The following TMOD1 variants were observed in gnomAD, a reference collection of about 807,000 sequenced individuals.
The protein encoded by TMOD1 is tropomodulin 1, also known as tropomodulin-1.
Under a neutral mutation model 40.6 loss-of-function variants are expected in TMOD1, and 17 were observed. That is an observed-to-expected ratio of 0.42 (90% CI 0.29 to 0.63). The LOEUF is 0.63. Among genes scored for constraint, TMOD1 ranks in the 20% least tolerant of loss-of-function variants. TMOD1 has a pLI of 0.22. For missense variants in TMOD1, 391 were observed against 447.6 expected (o/e 0.87, Z 1.14); for synonymous variants, 181 against 175.0 (o/e 1.03, Z -0.27).
In TMOD1 at chr9:97,539,782, T is replaced by A. The variant is rs138688492; in HGVS notation, c.121-6403T>A. On this transcript the variant is annotated intron_variant, in intron 2 of 9. Coordinates refer to ENST00000259365, the MANE Select transcript of TMOD1 (RefSeq NM_003275.4). ...GAGATCGAGACCATCCTGGCTAACATGGTGAAACCCCGTCTTTACTAAAAA... is the reference window on the plus strand; with the variant it reads ...GAGATCGAGACCATCCTGGCTAACAAGGTGAAACCCCGTCTTTACTAAAAA... Among the ~76,000 whole-genome samples, 1,183 of 151,998 alleles carry A rather than the reference T, an allele frequency of 7.8e-3. 14 individuals are homozygous for A. The highest frequency in any genetic ancestry group is 0.027 in the African/African-American group (1,105 of 41,464).
chr9:97,525,097 A>T (rs2131222870), intron 2 of TMOD1, among the ~76,000 whole-genome samples: 1 of 152,308 alleles, frequency 6.6e-6, no homozygotes, highest in South Asian at 2.1e-4. Flanking sequence ...GACAGTAACG[A>T]TGTCATAATT....
chr9:97,599,786 G>A lies in TMOD1; in HGVS notation c.*88G>A. ...AGGGGAAACCAGAAGGCAAAATGCTGGCAGCATGAAACCCTTTTGTGGTTC... is the reference window on the plus strand; with the variant it reads ...AGGGGAAACCAGAAGGCAAAATGCTAGCAGCATGAAACCCTTTTGTGGTTC... On this transcript the variant is annotated 3_prime_UTR_variant, in exon 10 of 10. Transcript: ENST00000259365. The A allele has an allele frequency of 3.1e-6, 5 of 1,603,706 alleles. No individual in the cohort carries two copies. The highest frequency in any genetic ancestry group is 4.3e-6 in the Non-Finnish European group (5 of 1,173,650).
At chr9:97,538,962 A>G (rs969793287) in intron 2 of TMOD1, among the ~76,000 whole-genome samples, 2 of 152,088 alleles carry the variant, frequency 1.3e-5, no homozygotes, top group Non-Finnish European at 1.5e-5. Context: ...CTGAGATAGC[A>G]CCACTGCACT....
At chr9:97,535,731 A>G (rs1316940397) in intron 2 of TMOD1, among the ~76,000 whole-genome samples, 1 of 152,250 alleles carries the variant, frequency 6.6e-6, no homozygotes. Flanking sequence ...CTGTGCTGCT[A>G]TGACAAATAG....
chr9:97,564,498 G>A (rs1250415059), intron 6 of TMOD1, among the ~76,000 whole-genome samples: 13 of 152,194 alleles, frequency 8.5e-5, no homozygotes, highest in Admixed American at 8.5e-4. Context: ...AAAATCATGA[G>A]TCAGACACAC....
intron 8 of TMOD1, among the ~76,000 whole-genome samples, chr9:97,583,045 C>T (rs74638587): frequency 7.0e-6 from 1 of 143,728 alleles, no homozygotes; most frequent in African/African-American, 2.8e-5. Context: ...ATGTTGAATA[C>T]GAGTGGTGAG....
At chr9:97,538,785 A>G (rs1830229120) in intron 2 of TMOD1, among the ~76,000 whole-genome samples, 1 of 151,910 alleles carries the variant, frequency 6.6e-6, no homozygotes, top group Non-Finnish European at 1.5e-5. Context: ...TCACGAGATC[A>G]GGAGTTTGAC....
intron 2 of TMOD1, among the ~76,000 whole-genome samples, chr9:97,528,955 C>G (rs10759755): frequency 0.79 from 120,983 of 152,244 alleles, 48,411 homozygotes; most frequent in African/African-American, 0.88. Flanking sequence ...TGACCATCAT[C>G]ATGATCCTAG....
At chr9:97,528,334 G>A (rs1334525598) in intron 2 of TMOD1, among the ~76,000 whole-genome samples, 1 of 152,192 alleles carries the variant, frequency 6.6e-6, no homozygotes, top group Non-Finnish European at 1.5e-5. Context: ...ATTGAGCACA[G>A]GGGTGTGGGA....
intron 1 of TMOD1, among the ~76,000 whole-genome samples, chr9:97,508,737 C>G (rs1829643560): frequency 6.6e-6 from 1 of 152,142 alleles, no homozygotes; most frequent in Non-Finnish European, 1.5e-5. Flanking sequence ...CTGGGTTAAA[C>G]AGGGTCCCCC....
At chr9:97,553,665 G>C (rs1442924874) in intron 4 of TMOD1, among the ~76,000 whole-genome samples, 1 of 152,176 alleles carries the variant, frequency 6.6e-6, no homozygotes, top group African/African-American at 2.4e-5. Flanking sequence ...GTATCTCAGG[G>C]AGAGCCCACA....
chr9:97,574,617 G>A (rs1830891431), intron 8 of TMOD1, among the ~76,000 whole-genome samples: 1 of 152,278 alleles, frequency 6.6e-6, no homozygotes, highest in Non-Finnish European at 1.5e-5. Flanking sequence ...AGGATCCACT[G>A]GGTGAAGCCA....
At chr9:97,546,421 C>A in intron 3 of TMOD1, 80 bp downstream of exon 3, 1 of 1,495,156 alleles carries the variant, frequency 6.7e-7, no homozygotes, top group Non-Finnish European at 9.0e-7. Flanking sequence ...CCCTGCCAGG[C>A]CCTGTGTTGG....
At chr9:97,592,382 A>G (rs1185230204) in intron 9 of TMOD1, among the ~76,000 whole-genome samples, 1 of 152,132 alleles carries the variant, frequency 6.6e-6, no homozygotes, top group Non-Finnish European at 1.5e-5. Flanking sequence ...AAGCCAAGCC[A>G]AGTTACATTA....
chr9:97,517,504 G>T (rs1829831688), intron 1 of TMOD1, among the ~76,000 whole-genome samples: 1 of 152,094 alleles, frequency 6.6e-6, no homozygotes, highest in Non-Finnish European at 1.5e-5. Context: ...TGGTGCCAAA[G>T]CCGGACACGC....
At chr9:97,578,539 T>G (rs1825665614) in intron 8 of TMOD1, among the ~76,000 whole-genome samples, 1 of 152,134 alleles carries the variant, frequency 6.6e-6, no homozygotes, top group Non-Finnish European at 1.5e-5. Context: ...TACTGGACAC[T>G]AATGTGAGAA....
At chr9:97,597,629 C>T (rs933424374) in intron 9 of TMOD1, among the ~76,000 whole-genome samples, 1 of 136,108 alleles carries the variant, frequency 7.3e-6, no homozygotes, top group African/African-American at 2.8e-5. Flanking sequence ...ACTCGGGAGG[C>T]GGAGACTGCA....
intron 8 of TMOD1, among the ~76,000 whole-genome samples, chr9:97,575,030 A>AG (rs1830903350): frequency 6.6e-6 from 1 of 152,236 alleles, no homozygotes; most frequent in Non-Finnish European, 1.5e-5. Context: ...AGGCTGCCGG[A>AG]TAACGCAGTG....
intron 7 of TMOD1, among the ~76,000 whole-genome samples, chr9:97,567,330 C>G (rs1445717110): frequency 6.6e-6 from 1 of 152,222 alleles, no homozygotes; most frequent in Non-Finnish European, 1.5e-5. Context: ...TCTGCCAGAC[C>G]AACAGCTGAT....
Sources: gnomAD v4.1 joint callset for allele counts (sites outside exome capture counted in the v4.1 genomes callset) on GRCh38, gnomAD v4.1.1 for gene constraint, MANE v1.5 for transcripts, NCBI Gene and HGNC (gene_info 2026-07-23, HGNC 2026-07-21) for gene names.